The following SEMA5A variants were observed in gnomAD, a reference collection of about 807,000 sequenced individuals.
SEMA5A encodes semaphorin 5A.
Under a neutral mutation model 135.5 loss-of-function variants are expected in SEMA5A, and 55 were observed. The observed-to-expected ratio is 0.41, with a 90% confidence interval of 0.33 to 0.51. The LOEUF is 0.51. Ranked by LOEUF, SEMA5A falls within the 20% of genes least tolerant of loss-of-function variation. The probability of loss-of-function intolerance (pLI) is 0.37; values close to 1 mark genes in which losing one functional copy is unlikely to be tolerated. For synonymous variants in SEMA5A, 580 were observed against 546.5 expected, an observed-to-expected ratio of 1.06 and a Z score of -0.85; for missense variants, 1,290 against 1,419.9, an observed-to-expected ratio of 0.91 and a Z score of 1.47.
chr5:9,109,027 A>ATTTTTTT lies in SEMA5A; in HGVS notation c.1926-741_1926-740insAAAAAAA, dbSNP rs1305606521. Among the ~76,000 whole-genome samples, 90 of 118,930 alleles carry ATTTTTTT rather than the reference A, an allele frequency of 7.6e-4. 7 individuals carry two copies. The highest frequency in any genetic ancestry group is 7.1e-3 in the East Asian group (27 of 3,800). 78.0% of individuals were successfully genotyped at this position (118,930 alleles called of 152,430 possible). A position where few individuals can be genotyped will look rare whatever the true frequency, so the allele number is the denominator to read the frequency against. Reference sequence around the variant, plus strand: ...ATCATGAGTCATATTATTTCTCTTCAATTTTTTTTTTTTTTTTTTTTTTTT... The same window carrying ATTTTTTT: ...ATCATGAGTCATATTATTTCTCTTCATTTTTTTATTTTTTTTTTTTTTTTTTTTTTTT... On this transcript the variant is annotated intron_variant, in intron 15 of 22. Coordinates refer to ENST00000382496, the MANE Select transcript of SEMA5A (RefSeq NM_003966.3).
At chr5:9,524,777 T>C (rs980653012) in intron 1 of SEMA5A, among the ~76,000 whole-genome samples, 14 of 152,184 alleles carry the variant, frequency 9.2e-5, no homozygotes, top group Admixed American at 2.6e-4. Flanking sequence ...AATATATACA[T>C]AAACACTTTT....
intron 16 of SEMA5A, among the ~76,000 whole-genome samples, chr5:9,086,076 T>C (rs891954526): frequency 6.6e-6 from 1 of 152,196 alleles, no homozygotes; most frequent in Admixed American, 6.6e-5. Context: ...ATGGCTGTAT[T>C]TATCAAATGT....
At chr5:9,354,653 G>A (rs1285090071) in intron 3 of SEMA5A, among the ~76,000 whole-genome samples, 1 of 152,156 alleles carries the variant, frequency 6.6e-6, no homozygotes. Context: ...AAGTAGAGAA[G>A]GCTGTTCCTC....
chr5:9,535,107 T>A (rs1404613322), intron 1 of SEMA5A, among the ~76,000 whole-genome samples: 1 of 152,202 alleles, frequency 6.6e-6, no homozygotes, highest in Non-Finnish European at 1.5e-5. Context: ...ATCCTGAAGA[T>A]CCTCGCTGTG....
chr5:9,359,810 C>T (rs1754613251), intron 3 of SEMA5A, among the ~76,000 whole-genome samples: 1 of 152,112 alleles, frequency 6.6e-6, no homozygotes, highest in Non-Finnish European at 1.5e-5. Flanking sequence ...AAAAATTACC[C>T]TTTAAAGGCA....
At chr5:9,529,100 T>C (rs1737300552) in intron 1 of SEMA5A, among the ~76,000 whole-genome samples, 1 of 152,272 alleles carries the variant, frequency 6.6e-6, no homozygotes, top group Non-Finnish European at 1.5e-5. Flanking sequence ...GTTCTGGTTA[T>C]GACCACAAGT....
intron 3 of SEMA5A, among the ~76,000 whole-genome samples, chr5:9,372,974 G>T (rs533081953): frequency 1.3e-5 from 2 of 152,314 alleles, no homozygotes; most frequent in East Asian, 1.9e-4. Flanking sequence ...ACAGCACGGG[G>T]TCAAGGGAAG....
At chr5:9,247,268 T>C (rs910888031) in intron 5 of SEMA5A, among the ~76,000 whole-genome samples, 1 of 152,202 alleles carries the variant, frequency 6.6e-6, no homozygotes, top group Non-Finnish European at 1.5e-5. Context: ...GCCACCTATA[T>C]TGGCATCATT....
chr5:9,155,813 C>T (rs1200654170), intron 11 of SEMA5A, among the ~76,000 whole-genome samples: 2 of 152,060 alleles, frequency 1.3e-5, no homozygotes, highest in African/African-American at 4.8e-5. Flanking sequence ...GAGATGGAGG[C>T]TATTTGTGTT....
chr5:9,314,272 T>C lies in SEMA5A; in HGVS notation c.270+4100A>G, dbSNP rs551950315. Among the ~76,000 whole-genome samples, 10 of 151,668 alleles carry C rather than the reference T, an allele frequency of 6.6e-5. No individual in the cohort carries two copies. The East Asian group carries it at 1.8e-3, about 27-fold the overall frequency. ...TATTATCTAAAACTGTGTTTTCCAA[T>C]GGGGCGCACCAGCGATCCAGAACAC... On this transcript the variant is annotated intron_variant, in intron 5 of 22. Coordinates refer to ENST00000382496, the MANE Select transcript of SEMA5A (RefSeq NM_003966.3).
At chr5:9,069,505 A>G (rs571343612) in intron 16 of SEMA5A, among the ~76,000 whole-genome samples, 1 of 152,276 alleles carries the variant, frequency 6.6e-6, no homozygotes, top group South Asian at 2.1e-4. Context: ...CATGCCACCA[A>G]CTTTACCTGG....
At chr5:9,413,479 A>C (rs866914054) in intron 2 of SEMA5A, among the ~76,000 whole-genome samples, 1 of 152,194 alleles carries the variant, frequency 6.6e-6, no homozygotes, top group African/African-American at 2.4e-5. Context: ...ACGGGCTGTT[A>C]TACACTGGCA....
chr5:9,363,706 G>A (rs549849184), intron 3 of SEMA5A, among the ~76,000 whole-genome samples: 17 of 152,290 alleles, frequency 1.1e-4, no homozygotes, highest in African/African-American at 3.8e-4. Flanking sequence ...GAGGCTTTGA[G>A]AATTACAAAA....
intron 5 of SEMA5A, among the ~76,000 whole-genome samples, chr5:9,240,712 T>C (rs1328533619): frequency 6.6e-6 from 1 of 152,120 alleles, no homozygotes; most frequent in Non-Finnish European, 1.5e-5. Context: ...TCCATTCTAA[T>C]GAACCAAATA....
chr5:9,162,622 G>A lies in SEMA5A; in HGVS notation c.1274-7927C>T, dbSNP rs915426159. ...CACAAACCATCTTTTCTTCCTTAAT[G>A]TAAGAAATGCAGTCGATTTCCTTAA... is the stretch of plus-strand genomic sequence containing the variant. On this transcript the variant is annotated intron_variant, in intron 11 of 22. Coordinates refer to ENST00000382496, the MANE Select transcript of SEMA5A (RefSeq NM_003966.3). Among the ~76,000 whole-genome samples the A allele has an allele frequency of 2.3e-5, 3 of 133,298 alleles. No homozygotes were observed. The Admixed American group carries it at 2.3e-4, about 10-fold the overall frequency. 87.4% of individuals were successfully genotyped at this position (133,298 alleles called of 152,430 possible). A position where few individuals can be genotyped will look rare whatever the true frequency, so the allele number is the denominator to read the frequency against.
At chr5:9,402,084 T>G (rs986860544) in intron 2 of SEMA5A, among the ~76,000 whole-genome samples, 5 of 152,228 alleles carry the variant, frequency 3.3e-5, no homozygotes, top group African/African-American at 1.2e-4. Context: ...TAAACCATAC[T>G]TCTTTGGCCC....
At chr5:9,319,519 A>G (rs1208470775) in intron 4 of SEMA5A, among the ~76,000 whole-genome samples, 3 of 152,172 alleles carry the variant, frequency 2.0e-5, no homozygotes, top group Non-Finnish European at 4.4e-5. Flanking sequence ...ACAACTCATT[A>G]ACCTACCTCA....
At chr5:9,301,799 T>C (rs772919596) in intron 5 of SEMA5A, among the ~76,000 whole-genome samples, 3 of 152,156 alleles carry the variant, frequency 2.0e-5, no homozygotes, top group Non-Finnish European at 2.9e-5. Flanking sequence ...AGAGGAGCCA[T>C]GCATATTAGC....
At chr5:9,269,574 G>A (rs1749861835) in intron 5 of SEMA5A, among the ~76,000 whole-genome samples, 1 of 152,060 alleles carries the variant, frequency 6.6e-6, no homozygotes, top group Non-Finnish European at 1.5e-5. Context: ...GAGCTTGAAG[G>A]AGATAATGTT....
Sources: gnomAD v4.1 joint callset for allele counts (sites outside exome capture counted in the v4.1 genomes callset) on GRCh38, gnomAD v4.1.1 for gene constraint, MANE v1.5 for transcripts, NCBI Gene and HGNC (gene_info 2026-07-23, HGNC 2026-07-21) for gene names.